Variants in CCDC7 observed in about 807,000 individuals in gnomAD.
CCDC7 encodes coiled-coil domain containing 7, also known as coiled-coil domain-containing protein 7.
A neutral mutation model predicts 196.9 loss-of-function variants in CCDC7; 183 were observed. The ratio of observed to expected loss-of-function variants is 0.93; its 90% CI spans 0.82 to 1.05. The LOEUF is 1.05. Ranked by LOEUF, CCDC7 falls within the 50% of genes least tolerant of loss-of-function variation. The pLI is 0.00. For synonymous variants in CCDC7, 525 were observed against 484.6 expected (o/e 1.08, Z -1.10); for missense variants, 1,540 against 1,482.2 (o/e 1.04, Z -0.64).
chr10:32,567,869 A>T, exon 15 of CCDC7: 1 of 1,613,142 alleles, frequency 6.2e-7, no homozygotes, highest in Non-Finnish European at 8.5e-7. Flanking sequence ...AGGACAAGTG[A>T]TAAAATCCAA....
At position 32,848,597 on chromosome 10, in the gene CCDC7, T is replaced by C. The variant is rs1482441348; in HGVS notation, c.3774T>C (p.Asp1258=). The C allele has an allele frequency of 3.4e-6, 5 of 1,472,712 alleles. No homozygotes were observed. The African/African-American group carries it at 5.5e-5, about 16-fold the overall frequency. The allele number at this position is 1,472,712 out of a possible 1,614,324, so 91.2% of individuals were successfully genotyped here. A position where few individuals can be genotyped will look rare whatever the true frequency, so the allele number is the denominator to read the frequency against. ...TTTTCTTTTAAAATTTTATTTTAGA[T>C]GTGAACTTATTTAAAAACAAAGATA... Residue 1258 remains aspartate (D), a splice_region_variant and synonymous_variant, in exon 39 of 42, where the codon GAT becomes GAC. Transcript: ENST00000639629.
chr10:32,827,040 C>A (rs1019959993), intron 32 of CCDC7, among the ~76,000 whole-genome samples: 2 of 152,118 alleles, frequency 1.3e-5, no homozygotes, highest in African/African-American at 4.8e-5. Context: ...TATTTGTATC[C>A]CATGTGAGTG....
intron 8 of CCDC7, among the ~76,000 whole-genome samples, chr10:32,482,475 T>G (rs1338685306): frequency 6.6e-6 from 1 of 150,504 alleles, no homozygotes; most frequent in Non-Finnish European, 1.5e-5. Flanking sequence ...AATTTTAATT[T>G]TATTATATTC....
chr10:32,469,191 A>C (rs774238646), intron 5 of CCDC7, among the ~76,000 whole-genome samples: 1 of 152,342 alleles, frequency 6.6e-6, no homozygotes, highest in African/African-American at 2.4e-5. Flanking sequence ...CAAAAACCAC[A>C]CAGTAATTTG....
At chr10:32,468,247 C>T (rs1045884355) in intron 5 of CCDC7, among the ~76,000 whole-genome samples, 4 of 152,092 alleles carry the variant, frequency 2.6e-5, no homozygotes, top group Non-Finnish European at 5.9e-5. Context: ...TTGTTTGTGT[C>T]ATTTCTGATT....
intron 30 of CCDC7, among the ~76,000 whole-genome samples, chr10:32,808,464 A>G (rs919483814): frequency 1.3e-5 from 2 of 152,130 alleles, no homozygotes; most frequent in Non-Finnish European, 2.9e-5. Context: ...CACTACTAAC[A>G]CCAGTGCATG....
At chr10:32,818,068 T>C (rs1404868158) in intron 31 of CCDC7, among the ~76,000 whole-genome samples, 1 of 152,134 alleles carries the variant, frequency 6.6e-6, no homozygotes, top group Non-Finnish European at 1.5e-5. Flanking sequence ...TCAAGACCCA[T>C]CAGTGTGCTG....
At chr10:32,686,028 A>G in exon 22 of CCDC7, 3 of 1,589,492 alleles carry the variant, frequency 1.9e-6, no homozygotes, top group Non-Finnish European at 2.6e-6. Flanking sequence ...CATTGTCAAA[A>G]ACCAAATTAC....
chr10:32,728,329 T>G (rs902738704), intron 26 of CCDC7, among the ~76,000 whole-genome samples: 5 of 152,248 alleles, frequency 3.3e-5, no homozygotes, highest in South Asian at 4.1e-4. Flanking sequence ...ACATAGGCTG[T>G]CTATCATTGC....
At chr10:32,692,737 T>C (rs1214688192) in intron 23 of CCDC7, among the ~76,000 whole-genome samples, 1 of 152,184 alleles carries the variant, frequency 6.6e-6, no homozygotes, top group Non-Finnish European at 1.5e-5. Flanking sequence ...ACTAGCATAT[T>C]AAAAGCCATA....
At chr10:32,864,615 TGAAAA>T (rs2094137773) in intron 41 of CCDC7, among the ~76,000 whole-genome samples, 1 of 151,412 alleles carries the variant, frequency 6.6e-6, no homozygotes. Context: ...AGAACTAAAA[TGAAAA>T]GAAACTGAAC....
At chr10:32,580,244 G>A (rs556281780) in intron 16 of CCDC7, among the ~76,000 whole-genome samples, 1 of 151,902 alleles carries the variant, frequency 6.6e-6, no homozygotes, top group South Asian at 2.1e-4. Context: ...ATGTAGCTAG[G>A]CAACATTGTC....
Position 32,593,257 on chromosome 10 carries a change from G to T in CCDC7, c.1801+8953G>T, listed in dbSNP as rs976705995. 7.9e-5 allele frequency among the ~76,000 whole-genome samples: 12 copies of T among 152,144 alleles called. 1 individual carries two copies. The highest frequency in any genetic ancestry group is 6.5e-4 in the Admixed American group (10 of 15,274). On this transcript the variant is annotated intron_variant, in intron 18 of 41. Transcript: ENST00000639629. ...ATTGCCATTCTAACTGGTGTGAGAT[G>T]GTATCTCCTTGTGGTTTTGATTTGC...
intron 2 of CCDC7, among the ~76,000 whole-genome samples, chr10:32,455,698 G>T (rs1049261099): frequency 6.6e-6 from 1 of 152,150 alleles, no homozygotes; most frequent in African/African-American, 2.4e-5. Flanking sequence ...ATATAAGCCT[G>T]TAATATTTGT....
At chr10:32,741,284 C>G (rs2085792542) in intron 28 of CCDC7, among the ~76,000 whole-genome samples, 1 of 152,174 alleles carries the variant, frequency 6.6e-6, no homozygotes, top group Non-Finnish European at 1.5e-5. Context: ...CAATCTCAAA[C>G]TAAGAACTTG....
intron 21 of CCDC7, among the ~76,000 whole-genome samples, chr10:32,679,510 A>G (rs1401117902): frequency 6.6e-6 from 1 of 152,246 alleles, no homozygotes; most frequent in Non-Finnish European, 1.5e-5. Context: ...CATGGGCAAT[A>G]CAAGAGTGTA....
At chr10:32,815,843 T>C (rs2088343975) in intron 31 of CCDC7, among the ~76,000 whole-genome samples, 1 of 152,206 alleles carries the variant, frequency 6.6e-6, no homozygotes, top group Non-Finnish European at 1.5e-5. Context: ...TGGTGTTGTA[T>C]ATTAAAAGTG....
intron 8 of CCDC7, among the ~76,000 whole-genome samples, chr10:32,487,460 T>C (rs1056030160): frequency 2.0e-5 from 3 of 151,966 alleles, no homozygotes; most frequent in Non-Finnish European, 4.4e-5. Flanking sequence ...GTAGTTTGAT[T>C]GTCTGAAGCC....
intron 28 of CCDC7, among the ~76,000 whole-genome samples, chr10:32,750,649 G>A (rs1292344939): frequency 6.6e-6 from 1 of 152,146 alleles, no homozygotes; most frequent in Non-Finnish European, 1.5e-5. Context: ...AATTCACCTG[G>A]AAGCCAGAGA....
Sources: allele counts gnomAD v4.1 joint callset (sites outside exome capture counted in the v4.1 genomes callset), GRCh38; gene constraint gnomAD v4.1.1; transcripts MANE v1.5; gene names NCBI Gene and HGNC (gene_info 2026-07-23, HGNC 2026-07-21).